The following AHI1 variants were observed in gnomAD, a reference collection of about 807,000 sequenced individuals.
The protein encoded by AHI1 is Abelson helper integration site 1.
Under a neutral mutation model 149.3 loss-of-function variants are expected in AHI1, and 123 were observed. That is an observed-to-expected ratio of 0.82 (90% CI 0.71 to 0.96). The LOEUF is 0.96. AHI1 is among the 40% of genes least tolerant of loss of function. AHI1 has a pLI of 0.00. For missense variants in AHI1, 1,439 were observed against 1,422.7 expected (o/e 1.01, Z -0.18); for synonymous variants, 475 against 459.8 (o/e 1.03, Z -0.42).
At chr6:135,492,315 T>C in intron 3 of AHI1, 24 bp from the exon 4 acceptor site, 1 of 1,473,988 alleles carries the variant, frequency 6.8e-7, no homozygotes, top group Non-Finnish European at 9.0e-7. Flanking sequence ...GGAGATGTAT[T>C]TGTAATATGG....
chr6:135,357,692 A>G, intron 24 of AHI1, among the ~76,000 whole-genome samples: 1 of 152,260 alleles, frequency 6.6e-6, no homozygotes, highest in East Asian at 1.9e-4. Context: ...AGGGAAATCT[A>G]ATAATTATCT....
intron 27 of AHI1, among the ~76,000 whole-genome samples, chr6:135,295,779 G>A (rs1375077618): frequency 3.9e-5 from 6 of 152,182 alleles, no homozygotes; most frequent in Admixed American, 1.3e-4. Context: ...AGATGGGTAT[G>A]CTCATTACCT....
At chr6:135,307,726 A>G (rs1006747767) in intron 26 of AHI1, among the ~76,000 whole-genome samples, 11 of 150,578 alleles carry the variant, frequency 7.3e-5, no homozygotes, top group African/African-American at 2.7e-4. Context: ...TTTTCCTTTA[A>G]TTACAATATT....
intron 8 of AHI1, among the ~76,000 whole-genome samples, chr6:135,458,680 G>A (rs1049505843): frequency 2.6e-5 from 4 of 152,156 alleles, no homozygotes; most frequent in African/African-American, 9.7e-5. Flanking sequence ...AGAGAAACCA[G>A]CGGATATTTT....
At chr6:135,337,226 A>G (rs1442144323) in intron 24 of AHI1, among the ~76,000 whole-genome samples, 1 of 152,200 alleles carries the variant, frequency 6.6e-6, no homozygotes, top group Non-Finnish European at 1.5e-5. Context: ...GAAGATCAAC[A>G]AAGTACTTTT....
intron 26 of AHI1, among the ~76,000 whole-genome samples, chr6:135,311,086 G>C (rs1311833293): frequency 6.6e-6 from 1 of 152,076 alleles, no homozygotes; most frequent in Non-Finnish European, 1.5e-5. Context: ...CAGATCACTT[G>C]AGGCTAGGAG....
chr6:135,412,185 A>T (rs1490360385), intron 20 of AHI1, among the ~76,000 whole-genome samples: 1 of 152,192 alleles, frequency 6.6e-6, no homozygotes, highest in Non-Finnish European at 1.5e-5. Context: ...AAAAAATAAC[A>T]ATACTATAAA....
intron 23 of AHI1, among the ~76,000 whole-genome samples, chr6:135,358,545 A>G (rs1330279327): frequency 6.6e-6 from 1 of 152,214 alleles, no homozygotes; most frequent in Non-Finnish European, 1.5e-5. Flanking sequence ...AAGTTTTTAA[A>G]AAGAAGTATC....
rs1375935414 is a variant in AHI1 at position 135,466,043 on chromosome 6, T to G, written c.520A>C (p.Asn174His). ...AAATCAGTCTCTTCTCTTCCCTCAT[T>G]TGCCTTCTCACTTTTCTGATGATCA... ...GVDHQKSEKA[N>H]EGREETDLEE... Residue 174 changes from asparagine (N) to histidine (H), a missense_variant, in exon 7 of 29, where the codon AAT becomes CAT. Physicochemically the swap from Asn to His is moderately conservative, Grantham distance 68 (BLOSUM62 1). Coordinates refer to ENST00000265602, the MANE Select transcript of AHI1 (RefSeq NM_001134831.2). The G allele has an allele frequency of 3.7e-6, 6 of 1,613,982 alleles. No individual in the cohort carries two copies. The highest frequency in any genetic ancestry group is 1.7e-6 in the Non-Finnish European group (2 of 1,179,874).
chr6:135,302,269 C>T (rs1159737049), intron 26 of AHI1: 3 of 985,360 alleles, frequency 3.0e-6, no homozygotes, highest in East Asian at 1.1e-4. Flanking sequence ...AAAAACTCAA[C>T]ATTAAGGGCT....
chr6:135,482,782 T>C (rs1274855620), intron 5 of AHI1, among the ~76,000 whole-genome samples: 3 of 151,906 alleles, frequency 2.0e-5, no homozygotes, highest in East Asian at 1.9e-4. Context: ...ATATCTGACA[T>C]TATCAATTTT....
chr6:135,447,067 T>C lies in AHI1; in HGVS notation c.1720A>G (p.Thr574Ala), dbSNP rs1296736475. Residue 574 changes from threonine to alanine, a missense_variant, in exon 13 of 29, where the codon ACA becomes GCA. Thr to Ala is a moderately conservative substitution (Grantham distance 58). Coordinates refer to ENST00000265602, the MANE Select transcript of AHI1 (RefSeq NM_001134831.2). ...TTTGACTCTTCTAATCCAGGTTCTG[T>C]GTCTACTGAGCTTGACTCATGGTGA... ...ERHHESSSVD[T>A]EPGLEESKEV... 6.2e-7 allele frequency: 1 copy of C among 1,613,454 alleles called. No homozygotes were observed. Among genetic ancestry groups the C allele is most frequent in the Non-Finnish European group, 8.5e-7 (1 of 1,179,650 alleles).
intron 23 of AHI1, among the ~76,000 whole-genome samples, chr6:135,379,577 A>ATATCAAACT (rs1776399227): frequency 6.6e-6 from 1 of 152,150 alleles, no homozygotes; most frequent in African/African-American, 2.4e-5. Context: ...TTTACAGCAA[A>ATATCAAACT]TATCAAACTA....
chr6:135,364,714 T>TC (rs1330190884), intron 23 of AHI1, among the ~76,000 whole-genome samples: 1 of 151,498 alleles, frequency 6.6e-6, no homozygotes, highest in Non-Finnish European at 1.5e-5. Context: ...ACACAGCGAA[T>TC]CCCCGTCTCC....
At chr6:135,415,222 AT>A (rs1782197892) in intron 20 of AHI1, among the ~76,000 whole-genome samples, 1 of 152,060 alleles carries the variant, frequency 6.6e-6, no homozygotes, top group African/African-American at 2.4e-5. Context: ...ATTGTTGGAC[AT>A]TTGGGTTGGT....
intron 24 of AHI1, among the ~76,000 whole-genome samples, chr6:135,352,169 T>A (rs1472809665): frequency 6.6e-6 from 1 of 152,214 alleles, no homozygotes; most frequent in Non-Finnish European, 1.5e-5. Flanking sequence ...ATGAGCTGCT[T>A]TTATTTTAAT....
chr6:135,452,664 C>A (rs928738260), intron 11 of AHI1, among the ~76,000 whole-genome samples: 2 of 152,018 alleles, frequency 1.3e-5, no homozygotes, highest in South Asian at 4.2e-4. Flanking sequence ...ACTGAGAAGA[C>A]CTCATCATAA....
chr6:135,330,278 T>C (rs1004893748), intron 24 of AHI1, among the ~76,000 whole-genome samples: 2 of 152,326 alleles, frequency 1.3e-5, no homozygotes, highest in African/African-American at 2.4e-5. Flanking sequence ...AATTTCATTT[T>C]TGTCTTATTT....
intron 27 of AHI1, among the ~76,000 whole-genome samples, chr6:135,293,504 C>T (rs931995708): frequency 1.3e-5 from 2 of 149,160 alleles, no homozygotes; most frequent in African/African-American, 2.5e-5. Flanking sequence ...TCTGTCTACA[C>T]AGAATATCTC....
Sources: allele counts gnomAD v4.1 joint callset (sites outside exome capture counted in the v4.1 genomes callset), GRCh38; gene constraint gnomAD v4.1.1; transcripts MANE v1.5; gene names NCBI Gene and HGNC (gene_info 2026-07-23, HGNC 2026-07-21).